The following TTBK2 variants were observed in gnomAD, a reference collection of about 807,000 sequenced individuals.
TTBK2 encodes tau tubulin kinase 2.
Under a neutral mutation model 110.8 loss-of-function variants are expected in TTBK2, and 28 were observed. The ratio of observed to expected loss-of-function variants is 0.25; its 90% confidence interval spans 0.19 to 0.35. The LOEUF is 0.35. Ranked by LOEUF, TTBK2 falls within the 10% of genes least tolerant of loss-of-function variation. The probability of loss-of-function intolerance (pLI) is 1.00; values close to 1 mark genes in which losing one functional copy is unlikely to be tolerated. For missense variants in TTBK2, 1,369 were observed against 1,500.3 expected (o/e 0.91, Z 1.45); for synonymous variants, 532 against 527.3 (o/e 1.01, Z -0.12).
At chr15:42,824,272 A>T (rs529434068) in intron 6 of TTBK2, among the ~76,000 whole-genome samples, 1 of 152,284 alleles carries the variant, frequency 6.6e-6, no homozygotes, top group East Asian at 1.9e-4. Context: ...GGTTATATGA[A>T]TCTATACATG....
At chr15:42,808,576 T>C (rs1891577699) in intron 9 of TTBK2, among the ~76,000 whole-genome samples, 1 of 152,102 alleles carries the variant, frequency 6.6e-6, no homozygotes, top group African/African-American at 2.4e-5. Context: ...AGACCAGGTA[T>C]GGTGGCTTCA....
intron 1 of TTBK2, among the ~76,000 whole-genome samples, chr15:42,882,234 C>A (rs1380497437): frequency 4.6e-5 from 7 of 151,826 alleles, no homozygotes; most frequent in African/African-American, 1.5e-4. Context: ...CACACACACA[C>A]AAAAACAACT....
intron 10 of TTBK2, among the ~76,000 whole-genome samples, chr15:42,791,109 G>A (rs541627347): frequency 3.3e-5 from 5 of 152,086 alleles, no homozygotes; most frequent in East Asian, 1.9e-4. Context: ...GGATGGTCTC[G>A]ATCTGACCTC....
intron 1 of TTBK2, among the ~76,000 whole-genome samples, chr15:42,914,380 T>A (rs2030967427): frequency 6.6e-6 from 1 of 152,172 alleles, no homozygotes; most frequent in African/African-American, 2.4e-5. Context: ...GAATCACCGA[T>A]AAGCTGCTGG....
intron 9 of TTBK2, chr15:42,802,467 G>C: frequency 1.5e-6 from 1 of 655,944 alleles, no homozygotes. Context: ...GCTGCTTCTT[G>C]GTCTGCACAC....
intron 6 of TTBK2, among the ~76,000 whole-genome samples, chr15:42,825,422 G>A (rs1454153536): frequency 6.6e-6 from 1 of 152,100 alleles, no homozygotes; most frequent in Admixed American, 6.5e-5. Context: ...TCAGTTCCTG[G>A]GCCTGAGTTC....
chr15:42,846,244 C>G (rs1050675430), intron 3 of TTBK2, among the ~76,000 whole-genome samples: 2 of 150,460 alleles, frequency 1.3e-5, no homozygotes, highest in African/African-American at 4.9e-5. Context: ...GGCTGGAGTG[C>G]AGTGGACTGA....
chr15:42,798,888 A>C (rs1180913980), intron 9 of TTBK2, among the ~76,000 whole-genome samples: 3 of 152,232 alleles, frequency 2.0e-5, no homozygotes, highest in Admixed American at 6.5e-5. Context: ...AACTTGAAGA[A>C]GGTAATGAAC....
intron 3 of TTBK2, among the ~76,000 whole-genome samples, chr15:42,843,011 A>C (rs937593146): frequency 6.6e-6 from 1 of 152,222 alleles, no homozygotes; most frequent in Non-Finnish European, 1.5e-5. Context: ...AACAATAAAA[A>C]ATAAGTTAAA....
intron 1 of TTBK2, among the ~76,000 whole-genome samples, chr15:42,918,945 T>C (rs1019152824): frequency 3.3e-5 from 5 of 152,206 alleles, no homozygotes; most frequent in Admixed American, 2.6e-4. Flanking sequence ...ATCAACTTGA[T>C]ATTATATATT....
At chr15:42,808,156 A>G (rs1036273221) in intron 9 of TTBK2, among the ~76,000 whole-genome samples, 3 of 152,224 alleles carry the variant, frequency 2.0e-5, no homozygotes, top group African/African-American at 7.2e-5. Flanking sequence ...GAGACACATG[A>G]AAGATTCCTG....
chr15:42,882,639 T>C (rs1390766358), intron 1 of TTBK2, among the ~76,000 whole-genome samples: 1 of 151,780 alleles, frequency 6.6e-6, no homozygotes, highest in Non-Finnish European at 1.5e-5. Context: ...ATAATAATGA[T>C]AACTAGATAA....
At chr15:42,903,662 C>G (rs2030202046) in intron 1 of TTBK2, among the ~76,000 whole-genome samples, 1 of 152,128 alleles carries the variant, frequency 6.6e-6, no homozygotes, top group South Asian at 2.1e-4. Context: ...CTATAAGACA[C>G]CCAGGTTTGG....
chr15:42,834,052 C>T (rs1481998573), intron 4 of TTBK2, among the ~76,000 whole-genome samples: 1 of 151,558 alleles, frequency 6.6e-6, no homozygotes, highest in Non-Finnish European at 1.5e-5. Flanking sequence ...ATTAGCTGGG[C>T]ATGGTAGCAG....
intron 3 of TTBK2, among the ~76,000 whole-genome samples, chr15:42,868,453 A>G (rs938142389): frequency 2.0e-5 from 3 of 152,194 alleles, no homozygotes; most frequent in African/African-American, 7.2e-5. Flanking sequence ...GTGTGAGGGC[A>G]GGCAATATAT....
rs181630879 is a variant in TTBK2 at position 42,889,666 on chromosome 15, G to C, written c.-67-10982C>G. 2.4e-3 allele frequency among the ~76,000 whole-genome samples: 365 copies of C among 152,066 alleles called. 1 individual carries two copies. The highest frequency in any genetic ancestry group is 0.021 in the Middle Eastern group (6 of 292). ...TCTATTTTTCTCCTTCTTTTATTCA[G>C]ACCTTGTATCTTCCGTTTAGTTTCT... is the stretch of plus-strand genomic sequence containing the variant. On this transcript the variant is annotated intron_variant, in intron 1 of 14. Transcript: ENST00000267890.
intron 13 of TTBK2, among the ~76,000 whole-genome samples, chr15:42,764,357 G>A (rs1889254015): frequency 6.6e-6 from 1 of 152,246 alleles, no homozygotes; most frequent in African/African-American, 2.4e-5. Flanking sequence ...CCTAGCCAAG[G>A]GAAGCCGTGA....
intron 1 of TTBK2, among the ~76,000 whole-genome samples, chr15:42,893,051 T>C (rs1466548154): frequency 6.9e-6 from 1 of 145,546 alleles, no homozygotes; most frequent in Non-Finnish European, 1.5e-5. Context: ...AAAACCAAAA[T>C]GTTTGCCAAT....
intron 13 of TTBK2, among the ~76,000 whole-genome samples, chr15:42,759,638 G>C (rs1320129692): frequency 1.3e-5 from 2 of 152,186 alleles, no homozygotes; most frequent in African/African-American, 4.8e-5. Flanking sequence ...TTAGGCCACA[G>C]AGACACTTGC....
Sources: gnomAD v4.1 joint callset for allele counts (sites outside exome capture counted in the v4.1 genomes callset) on GRCh38, gnomAD v4.1.1 for gene constraint, MANE v1.5 for transcripts, NCBI Gene and HGNC (gene_info 2026-07-23, HGNC 2026-07-21) for gene names.